The following CNTNAP2 variants were observed in gnomAD, a reference collection of about 807,000 sequenced individuals.
CNTNAP2 encodes the protein contactin associated protein 2.
Under a neutral mutation model 155.2 loss-of-function variants are expected in CNTNAP2, and 98 were observed. The ratio of observed to expected loss-of-function variants is 0.63; its 90% CI spans 0.54 to 0.75. CNTNAP2 has a LOEUF of 0.75. CNTNAP2 is among the 30% of genes least tolerant of loss of function. The pLI, the probability that CNTNAP2 is intolerant of heterozygous loss-of-function variation, is 0.00. For missense variants in CNTNAP2, 1,727 were observed against 1,688.1 expected (o/e 1.02, Z -0.40); for synonymous variants, 651 against 631.2 (o/e 1.03, Z -0.47).
chr7:147,395,894 G>A, intron 10 of CNTNAP2, 114 bp downstream of exon 10: 4 of 1,148,346 alleles, frequency 3.5e-6, no homozygotes, highest in Non-Finnish European at 5.2e-6. Flanking sequence ...CAGGTAAGGT[G>A]GAAATTACCA....
intron 21 of CNTNAP2, among the ~76,000 whole-genome samples, chr7:148,364,139 A>G (rs1334117453): frequency 6.6e-6 from 1 of 151,970 alleles, no homozygotes; most frequent in African/African-American, 2.4e-5. Context: ...GACGAGCGCC[A>G]CCCCCTGCTC....
intron 15 of CNTNAP2, among the ~76,000 whole-genome samples, chr7:148,108,049 T>C (rs1804261678): frequency 6.6e-6 from 1 of 152,194 alleles, no homozygotes; most frequent in African/African-American, 2.4e-5. Flanking sequence ...CAGACTCTTC[T>C]AGCCACCATC....
At chr7:146,965,900 A>C (rs1797649061) in intron 3 of CNTNAP2, among the ~76,000 whole-genome samples, 1 of 152,198 alleles carries the variant, frequency 6.6e-6, no homozygotes. Flanking sequence ...CTAGACTAGC[A>C]AGAACTTCAA....
chr7:146,717,802 T>G (rs1265252264), intron 1 of CNTNAP2, among the ~76,000 whole-genome samples: 1 of 152,132 alleles, frequency 6.6e-6, no homozygotes, highest in Non-Finnish European at 1.5e-5. Context: ...CTTTAGCATT[T>G]CATAAAGTAT....
At chr7:147,062,053 G>T (rs190437903) in intron 4 of CNTNAP2, among the ~76,000 whole-genome samples, 14 of 142,556 alleles carry the variant, frequency 9.8e-5, no homozygotes, top group African/African-American at 3.6e-4. Flanking sequence ...GAGTGAACCC[G>T]GGAGGCAGAG....
intron 2 of CNTNAP2, among the ~76,000 whole-genome samples, chr7:146,827,910 T>C (rs1409682542): frequency 2.6e-5 from 4 of 152,058 alleles, no homozygotes; most frequent in African/African-American, 9.7e-5. Context: ...TTCAGTGACT[T>C]TGACTAGATT....
intron 1 of CNTNAP2, among the ~76,000 whole-genome samples, chr7:146,483,323 A>ATATATG (rs1797004953): frequency 3.3e-5 from 3 of 90,824 alleles, no homozygotes; most frequent in Non-Finnish European, 6.5e-5. Flanking sequence ...ATATATATAT[A>ATATATG]TATATACATA....
Position 146,794,023 on chromosome 7 carries a change from G to A in CNTNAP2, c.208+19642G>A, listed in dbSNP as rs139612982. Among the ~76,000 whole-genome samples, 284 of 152,304 alleles carry A rather than the reference G, an allele frequency of 1.9e-3. 1 individual carries two copies. Among genetic ancestry groups the A allele is most frequent in the African/African-American group, 6.3e-3 (262 of 41,556 alleles). On this transcript the variant is annotated intron_variant, in intron 2 of 23. Transcript: ENST00000361727. ...TCACCGGGTTCTAGAGACAGCTGCT[G>A]CTGATTTTGAGGGTAAAAATCTAGT...
At chr7:147,752,501 C>T (rs748287445) in intron 13 of CNTNAP2, among the ~76,000 whole-genome samples, 3 of 152,106 alleles carry the variant, frequency 2.0e-5, no homozygotes, top group African/African-American at 7.2e-5. Context: ...CTGGTCAATA[C>T]GGTGAGCTCC....
intron 21 of CNTNAP2, among the ~76,000 whole-genome samples, chr7:148,335,193 A>G (rs755219617): frequency 7.9e-5 from 12 of 152,332 alleles, no homozygotes; most frequent in Non-Finnish European, 1.2e-4. Context: ...GTGGCTCAAG[A>G]TGATGTCAGA....
intron 1 of CNTNAP2, among the ~76,000 whole-genome samples, chr7:146,762,015 A>G (rs1213234808): frequency 6.6e-6 from 1 of 152,190 alleles, no homozygotes; most frequent in East Asian, 1.9e-4. Context: ...AAATAAATGA[A>G]TATTATTTTA....
At chr7:146,948,136 T>A (rs2129227292) in intron 3 of CNTNAP2, among the ~76,000 whole-genome samples, 1 of 152,274 alleles carries the variant, frequency 6.6e-6, no homozygotes, top group East Asian at 1.9e-4. Context: ...AAGCAGCTAT[T>A]CTGTTTGCTA....
chr7:147,656,195 C>G (rs1795522971), intron 13 of CNTNAP2, among the ~76,000 whole-genome samples: 1 of 152,206 alleles, frequency 6.6e-6, no homozygotes, highest in African/African-American at 2.4e-5. Context: ...TGGTTCTATG[C>G]AGACCACTAA....
intron 16 of CNTNAP2, among the ~76,000 whole-genome samples, chr7:148,120,565 C>T (rs1804576184): frequency 6.6e-6 from 1 of 152,150 alleles, no homozygotes; most frequent in African/African-American, 2.4e-5. Flanking sequence ...CTGCACCCAG[C>T]CACTAATTTC....
intron 13 of CNTNAP2, among the ~76,000 whole-genome samples, chr7:147,667,680 A>G (rs1368733200): frequency 6.6e-6 from 1 of 152,088 alleles, no homozygotes; most frequent in Non-Finnish European, 1.5e-5. Context: ...TCCCAATATC[A>G]AAGTAATGTT....
chr7:146,606,443 C>T (rs1311090007), intron 1 of CNTNAP2, among the ~76,000 whole-genome samples: 1 of 152,062 alleles, frequency 6.6e-6, no homozygotes, highest in African/African-American at 2.4e-5. Flanking sequence ...TCAAATTGTA[C>T]AATGTCAACT....
intron 1 of CNTNAP2, among the ~76,000 whole-genome samples, chr7:146,489,387 C>G (rs894770279): frequency 1.3e-5 from 2 of 152,046 alleles, no homozygotes; most frequent in Non-Finnish European, 2.9e-5. Context: ...AATTGAAAAC[C>G]GAACCTTTCT....
intron 20 of CNTNAP2, among the ~76,000 whole-genome samples, chr7:148,258,223 G>A (rs961289610): frequency 5.3e-5 from 8 of 152,158 alleles, no homozygotes; most frequent in African/African-American, 1.9e-4. Context: ...CACGCTCCTG[G>A]GGCAGGAGTG....
At chr7:148,257,208 C>T in intron 20 of CNTNAP2, among the ~76,000 whole-genome samples, 1 of 152,132 alleles carries the variant, frequency 6.6e-6, no homozygotes, top group Non-Finnish European at 1.5e-5. Flanking sequence ...TCCCCAGGGC[C>T]ATTTAATCTC....
Sources: gnomAD v4.1 joint callset for allele counts (sites outside exome capture counted in the v4.1 genomes callset) on GRCh38, gnomAD v4.1.1 for gene constraint, MANE v1.5 for transcripts, NCBI Gene and HGNC (gene_info 2026-07-23, HGNC 2026-07-21) for gene names.